Variants in SNTG1 observed in about 807,000 individuals in gnomAD.
SNTG1 encodes gamma-1-syntrophin.
A neutral mutation model predicts 74.7 loss-of-function variants in SNTG1; 39 were observed. That is an observed-to-expected ratio of 0.52 (90% CI 0.40 to 0.68). SNTG1 has a LOEUF of 0.68. Among genes scored for constraint, SNTG1 ranks in the 30% least tolerant of loss-of-function variants. The pLI is 0.00. For missense variants in SNTG1, 685 were observed against 609.5 expected (o/e 1.12, Z -1.30); for synonymous variants, 254 against 217.1 (o/e 1.17, Z -1.49).
chr8:50,167,456 T>C (rs1239358087), intron 1 of SNTG1, among the ~76,000 whole-genome samples: 1 of 151,720 alleles, frequency 6.6e-6, no homozygotes, highest in African/African-American at 2.4e-5. Flanking sequence ...TTCCTTCAAA[T>C]CACATTGACC....
At chr8:50,507,056 T>C (rs1277735977) in intron 9 of SNTG1, among the ~76,000 whole-genome samples, 1 of 152,136 alleles carries the variant, frequency 6.6e-6, no homozygotes, top group Non-Finnish European at 1.5e-5. Flanking sequence ...CAAATGCTTT[T>C]TTCTTCATCA....
chr8:50,290,324 C>T (rs976044733), intron 2 of SNTG1, among the ~76,000 whole-genome samples: 1 of 152,166 alleles, frequency 6.6e-6, no homozygotes, highest in Non-Finnish European at 1.5e-5. Flanking sequence ...TAAAAAATGG[C>T]TTAGCTACAA....
At chr8:50,750,981 T>C (rs2095565999) in intron 17 of SNTG1, among the ~76,000 whole-genome samples, 1 of 152,056 alleles carries the variant, frequency 6.6e-6, no homozygotes, top group South Asian at 2.1e-4. Context: ...ATATACTCTG[T>C]TCTTTCTTTA....
chr8:50,782,637 G>GC (rs2095663016), intron 18 of SNTG1, among the ~76,000 whole-genome samples: 1 of 111,742 alleles, frequency 8.9e-6, no homozygotes, highest in Admixed American at 8.9e-5. Context: ...CAACTTCTTT[G>GC]CCTTTGGTTT....
intron 12 of SNTG1, among the ~76,000 whole-genome samples, chr8:50,554,234 A>G (rs13265040): frequency 0.61 from 92,596 of 152,040 alleles, 30,985 homozygotes; most frequent in East Asian, 0.79. Flanking sequence ...ACGCCATCAT[A>G]ATAGCCATGC....
At chr8:50,293,350 C>A (rs967487453) in intron 2 of SNTG1, among the ~76,000 whole-genome samples, 2 of 151,518 alleles carry the variant, frequency 1.3e-5, no homozygotes, top group East Asian at 3.9e-4. Context: ...GTGTCCTAAT[C>A]TCTTCTTATA....
intron 1 of SNTG1, among the ~76,000 whole-genome samples, chr8:50,144,425 C>A (rs967395908): frequency 1.3e-5 from 2 of 152,152 alleles, no homozygotes; most frequent in Non-Finnish European, 2.9e-5. Flanking sequence ...CAAGGATGGG[C>A]TCCTCTGAGC....
intron 2 of SNTG1, among the ~76,000 whole-genome samples, chr8:50,357,447 A>G (rs2091850977): frequency 6.6e-6 from 1 of 152,244 alleles, no homozygotes; most frequent in Non-Finnish European, 1.5e-5. Context: ...AGCAGCAGAC[A>G]CAGTTCCAAA....
intron 12 of SNTG1, among the ~76,000 whole-genome samples, chr8:50,570,396 C>T (rs1476925388): frequency 6.8e-6 from 1 of 147,846 alleles, no homozygotes; most frequent in Non-Finnish European, 1.5e-5. Context: ...GTAGCTGGGA[C>T]TACAGGCGCA....
intron 15 of SNTG1, among the ~76,000 whole-genome samples, chr8:50,666,863 ATG>A (rs1586012541): frequency 6.6e-6 from 1 of 152,134 alleles, no homozygotes; most frequent in Non-Finnish European, 1.5e-5. Context: ...TCAATAAATA[ATG>A]TGTCAATTTA....
chr8:50,474,008 C>T (rs2093674967), intron 8 of SNTG1, among the ~76,000 whole-genome samples: 1 of 151,820 alleles, frequency 6.6e-6, no homozygotes, highest in African/African-American at 2.4e-5. Flanking sequence ...CACAGAGGTG[C>T]AACGGCTCCA....
At chr8:50,104,561 C>A (rs1214771619) in intron 1 of SNTG1, among the ~76,000 whole-genome samples, 1 of 152,022 alleles carries the variant, frequency 6.6e-6, no homozygotes, top group Admixed American at 6.6e-5. Context: ...TCTCTATTTC[C>A]TTCAGTTCTG....
intron 15 of SNTG1, among the ~76,000 whole-genome samples, chr8:50,684,149 C>G (rs2095342349): frequency 6.6e-6 from 1 of 152,134 alleles, no homozygotes; most frequent in Non-Finnish European, 1.5e-5. Context: ...GTTTGTGACC[C>G]TCTGATATCC....
At chr8:50,193,578 C>T (rs1293495702) in intron 2 of SNTG1, among the ~76,000 whole-genome samples, 1 of 151,950 alleles carries the variant, frequency 6.6e-6, no homozygotes, top group African/African-American at 2.4e-5. Flanking sequence ...TGGAGGAGTC[C>T]TTAGGGTTTT....
At chr8:50,772,386 G>A (rs1323430258) in intron 18 of SNTG1, among the ~76,000 whole-genome samples, 1 of 152,096 alleles carries the variant, frequency 6.6e-6, no homozygotes, top group Non-Finnish European at 1.5e-5. Flanking sequence ...TGTAGGGCCT[G>A]TCATTTATTT....
intron 8 of SNTG1, among the ~76,000 whole-genome samples, chr8:50,492,967 A>G (rs1166672842): frequency 6.6e-6 from 1 of 152,108 alleles, no homozygotes; most frequent in Non-Finnish European, 1.5e-5. Context: ...CAAAACAGAT[A>G]TATAGACCAA....
intron 8 of SNTG1, among the ~76,000 whole-genome samples, chr8:50,451,430 T>A (rs2093456468): frequency 6.6e-6 from 1 of 151,990 alleles, no homozygotes; most frequent in African/African-American, 2.4e-5. Context: ...GAAGGGCATA[T>A]AAAGACTGCG....
intron 1 of SNTG1, among the ~76,000 whole-genome samples, chr8:50,171,498 C>T (rs1325561015): frequency 2.6e-5 from 4 of 152,056 alleles, no homozygotes; most frequent in Admixed American, 2.0e-4. Context: ...TAGATTGTGC[C>T]CATCCAGATT....
chr8:50,122,551 G>C (rs1311416797), intron 1 of SNTG1, among the ~76,000 whole-genome samples: 1 of 141,882 alleles, frequency 7.0e-6, no homozygotes, highest in Non-Finnish European at 1.6e-5. Context: ...ATGACATTGA[G>C]GCTCGTAGCT....
Sources: gnomAD v4.1 joint callset for allele counts (sites outside exome capture counted in the v4.1 genomes callset) on GRCh38, gnomAD v4.1.1 for gene constraint, MANE v1.5 for transcripts, NCBI Gene and HGNC (gene_info 2026-07-23, HGNC 2026-07-21) for gene names.